FAM83B: variants seen among roughly 807,000 people sequenced by gnomAD.
FAM83B encodes protein FAM83B.
FAM83B carries 26 observed loss-of-function variants against 38.8 expected under a neutral mutation model. The ratio of observed to expected loss-of-function variants is 0.67; its 90% CI spans 0.49 to 0.93. FAM83B has a LOEUF of 0.93. Among genes scored for constraint, FAM83B ranks in the 40% least tolerant of loss-of-function variants. The pLI, the probability that FAM83B is intolerant of heterozygous loss-of-function variation, is 0.00. For synonymous variants in FAM83B, 419 were observed against 423.1 expected (o/e 0.99, Z 0.12); for missense variants, 1,237 against 1,197.3 (o/e 1.03, Z -0.49).
intron 2 of FAM83B, among the ~76,000 whole-genome samples, chr6:54,893,596 T>C (rs890574449): frequency 1.3e-5 from 2 of 152,196 alleles, no homozygotes; most frequent in Non-Finnish European, 2.9e-5. Context: ...TTATGCTGTA[T>C]GTCCAACATA....
chr6:54,903,697 T>C (rs1368855990), intron 2 of FAM83B, among the ~76,000 whole-genome samples: 1 of 152,098 alleles, frequency 6.6e-6, no homozygotes, highest in Non-Finnish European at 1.5e-5. Context: ...TAAAATCATC[T>C]CAAGTGTTTT....
At chr6:54,912,631 T>C (rs997454566) in intron 2 of FAM83B, among the ~76,000 whole-genome samples, 1 of 151,980 alleles carries the variant, frequency 6.6e-6, no homozygotes, top group Non-Finnish European at 1.5e-5. Flanking sequence ...TCGTTAGTTG[T>C]TAAATACTTG....
intron 2 of FAM83B, among the ~76,000 whole-genome samples, chr6:54,871,555 CAATAATAATAATAATAATAATAAT>C (rs3064912): frequency 7.9e-6 from 1 of 127,150 alleles, no homozygotes; most frequent in African/African-American, 3.0e-5. Context: ...CTCGTCTCTA[CAATAATAATAATAATAATAATAAT>C]AATAATAATA....
intron 4 of FAM83B, among the ~76,000 whole-genome samples, chr6:54,938,893 TG>T (rs1773586478): frequency 6.6e-6 from 1 of 152,184 alleles, no homozygotes; most frequent in Non-Finnish European, 1.5e-5. Flanking sequence ...TCTCTGTTTT[TG>T]TTGCATTTGT....
At position 54,905,563 on chromosome 6, in the gene FAM83B, C is replaced by T. The variant is rs752627642; in HGVS notation, c.445-20808C>T. ...AATACAATACATTATTATGAACTAT[C>T]GTCAACATGCTGCGCAGTAGATCTC... is the stretch of plus-strand genomic sequence containing the variant. On this transcript the variant is annotated intron_variant, in intron 2 of 4. Transcript: ENST00000306858. Among the ~76,000 whole-genome samples, 8 of 152,040 alleles carry T rather than the reference C, an allele frequency of 5.3e-5. No individual in the cohort carries two copies. The South Asian group carries it at 6.2e-4, about 12-fold the overall frequency.
intron 1 of FAM83B, among the ~76,000 whole-genome samples, chr6:54,854,054 C>T (rs1771380330): frequency 6.6e-6 from 1 of 152,156 alleles, no homozygotes; most frequent in Admixed American, 6.5e-5. Context: ...GTGGAAATAG[C>T]AAGGGACCTA....
intron 2 of FAM83B, among the ~76,000 whole-genome samples, chr6:54,878,507 G>A (rs1376256903): frequency 6.6e-6 from 1 of 152,168 alleles, no homozygotes; most frequent in Non-Finnish European, 1.5e-5. Flanking sequence ...TTTCAGCCAA[G>A]ATTTGAGAAA....
chr6:54,850,316 G>T (rs1399560484), intron 1 of FAM83B, among the ~76,000 whole-genome samples: 1 of 152,138 alleles, frequency 6.6e-6, no homozygotes, highest in Non-Finnish European at 1.5e-5. Context: ...GAAAGGTTTA[G>T]ACTATGTGGT....
At chr6:54,871,852 A>T (rs1026137587) in intron 2 of FAM83B, among the ~76,000 whole-genome samples, 2 of 151,700 alleles carry the variant, frequency 1.3e-5, no homozygotes, top group Non-Finnish European at 2.9e-5. Flanking sequence ...ATTTAGATCT[A>T]AAAGGAACCT....
At chr6:54,849,075 A>G (rs1203694626) in intron 1 of FAM83B, among the ~76,000 whole-genome samples, 1 of 152,178 alleles carries the variant, frequency 6.6e-6, no homozygotes, top group Non-Finnish European at 1.5e-5. Flanking sequence ...TTTGTTGTTG[A>G]ATTTATCATC....
intron 2 of FAM83B, among the ~76,000 whole-genome samples, chr6:54,919,615 A>C (rs922769836): frequency 6.6e-5 from 10 of 152,140 alleles, no homozygotes; most frequent in Admixed American, 2.6e-4. Context: ...CAAAGTCTAG[A>C]TAATTAGGAT....
At chr6:54,908,899 ATAG>A (rs1772840668) in intron 2 of FAM83B, among the ~76,000 whole-genome samples, 1 of 152,236 alleles carries the variant, frequency 6.6e-6, no homozygotes, top group Admixed American at 6.5e-5. Flanking sequence ...ATATAGTATA[ATAG>A]TAGAGTACTG....
chr6:54,923,853 A>G (rs924990206), intron 2 of FAM83B, among the ~76,000 whole-genome samples: 2 of 151,132 alleles, frequency 1.3e-5, no homozygotes, highest in Non-Finnish European at 2.9e-5. Flanking sequence ...TCTGTGCTAT[A>G]ATTTTCTTTT....
intron 2 of FAM83B, among the ~76,000 whole-genome samples, chr6:54,919,089 T>G (rs1011109526): frequency 2.0e-5 from 3 of 152,168 alleles, no homozygotes; most frequent in Non-Finnish European, 2.9e-5. Context: ...CAGGAAGTAC[T>G]GAGGAAGTTA....
chr6:54,894,126 G>C (rs1581906741), intron 2 of FAM83B, among the ~76,000 whole-genome samples: 2 of 152,244 alleles, frequency 1.3e-5, no homozygotes, highest in South Asian at 2.1e-4. Flanking sequence ...GAGGGAGAAG[G>C]GTTCTTTCAA....
intron 2 of FAM83B, among the ~76,000 whole-genome samples, chr6:54,909,412 GGT>G (rs993667103): frequency 1.1e-4 from 17 of 152,124 alleles, no homozygotes; most frequent in Admixed American, 2.6e-4. Context: ...TACTTTCAGT[GGT>G]GAAACCGCAA....
intron 2 of FAM83B, among the ~76,000 whole-genome samples, chr6:54,905,840 T>C (rs1365509650): frequency 2.0e-5 from 3 of 152,066 alleles, no homozygotes; most frequent in Non-Finnish European, 4.4e-5. Context: ...GCTTCCTTTA[T>C]ATTATGAATT....
chr6:54,940,396 C>T lies in FAM83B; in HGVS notation c.1425C>T (p.Arg475=). Residue 475 remains arginine, a synonymous_variant, in exon 5 of 5, where the codon CGC becomes CGT. Coordinates refer to ENST00000306858, the MANE Select transcript of FAM83B (RefSeq NM_001010872.3). ...TTAATGGGACAGATAACCATATCCGCTTTTTGCAACAACGAATGCCAACCC... is the reference window on the plus strand; with the variant it reads ...TTAATGGGACAGATAACCATATCCGTTTTTTGCAACAACGAATGCCAACCC... ...RSFNGTDNHI[R]FLQQRMPTLE... The T allele has an allele frequency of 6.2e-7, 1 of 1,614,062 alleles. No individual in the cohort carries two copies. The highest frequency in any genetic ancestry group is 1.3e-5 in the African/African-American group (1 of 75,032).
At position 54,881,612 on chromosome 6, in the gene FAM83B, C is replaced by A. The variant is rs573367268; in HGVS notation, c.444+10922C>A. On this transcript the variant is annotated intron_variant, in intron 2 of 4. Coordinates refer to ENST00000306858, the MANE Select transcript of FAM83B (RefSeq NM_001010872.3). ...TATTTCAACCTGCTGAATTCTGGAG[C>A]AGTTACTGAAAAAAAAATAAAATCT... is the stretch of plus-strand genomic sequence containing the variant. Among the ~76,000 whole-genome samples, 365 of 151,656 alleles carry A rather than the reference C, an allele frequency of 2.4e-3. 1 individual carries two copies. Among genetic ancestry groups the A allele is most frequent in the African/African-American group, 5.2e-3 (215 of 41,340 alleles).
Sources: gnomAD v4.1 joint callset for allele counts (sites outside exome capture counted in the v4.1 genomes callset) on GRCh38, gnomAD v4.1.1 for gene constraint, MANE v1.5 for transcripts, NCBI Gene and HGNC (gene_info 2026-07-23, HGNC 2026-07-21) for gene names.